Variants in DLC1 observed in about 807,000 individuals in gnomAD.
DLC1 encodes the protein rho GTPase-activating protein 7.
In DLC1, 54 loss-of-function variants were observed where a neutral mutation model predicts 140.3. The observed-to-expected ratio is 0.38, with a 90% CI of 0.31 to 0.48. The LOEUF is 0.48. DLC1 is among the 20% of genes least tolerant of loss of function. The pLI is 0.96. For synonymous variants in DLC1, 986 were observed against 728.1 expected, an observed-to-expected ratio of 1.35 and a Z score of -5.70; for missense variants, 2,536 against 1,907.0, an observed-to-expected ratio of 1.33 and a Z score of -6.14.
At chr8:13,229,306 A>T (rs1331687691) in intron 5 of DLC1, among the ~76,000 whole-genome samples, 2 of 152,192 alleles carry the variant, frequency 1.3e-5, no homozygotes, top group African/African-American at 2.4e-5. Flanking sequence ...CCTTGTAAAC[A>T]CTATGCTAAG....
At chr8:13,142,534 C>A (rs756046611) in intron 5 of DLC1, among the ~76,000 whole-genome samples, 1 of 152,090 alleles carries the variant, frequency 6.6e-6, no homozygotes, top group Non-Finnish European at 1.5e-5. Context: ...CTATATAGTG[C>A]TTACTTAGGC....
intron 5 of DLC1, among the ~76,000 whole-genome samples, chr8:13,179,165 T>A (rs1825907731): frequency 6.6e-6 from 1 of 151,828 alleles, no homozygotes; most frequent in Middle Eastern, 3.2e-3. Context: ...GGAATACAGA[T>A]GCAAAATAGT....
chr8:13,242,439 A>G (rs922470485), intron 5 of DLC1, among the ~76,000 whole-genome samples: 2 of 151,008 alleles, frequency 1.3e-5, no homozygotes, highest in African/African-American at 4.9e-5. Flanking sequence ...TCTGTTGCCC[A>G]GGCTGGAGTG....
intron 5 of DLC1, chr8:13,276,589 A>C (rs963874106): frequency 1.6e-5 from 20 of 1,262,166 alleles, no homozygotes; most frequent in Non-Finnish European, 2.0e-5. Context: ...CGCGGCGGCC[A>C]CATCTGGAAA....
In DLC1 at chr8:13,543,188, C is replaced by T. The variant is rs182581706; in HGVS notation, c.-125-42992G>A. On this transcript the variant is annotated intron_variant, in intron 1 of 1. Coordinates refer to the DLC1 transcript ENST00000631382. ...GAATAAATATTCAATTTAAAATATTCAGTTTAGTCAAATTCACAAAAATAA... is the reference window on the plus strand; with the variant it reads ...GAATAAATATTCAATTTAAAATATTTAGTTTAGTCAAATTCACAAAAATAA... 3.2e-3 allele frequency among the ~76,000 whole-genome samples: 486 copies of T among 152,088 alleles called. 2 individuals are homozygous for T. The highest frequency in any genetic ancestry group is 0.011 in the African/African-American group (464 of 41,496).
intron 4 of DLC1, among the ~76,000 whole-genome samples, chr8:13,377,495 T>G (rs1286834618): frequency 6.6e-6 from 1 of 152,172 alleles, no homozygotes; most frequent in African/African-American, 2.4e-5. Context: ...GTGAGTAACC[T>G]TGAAAATTAA....
intron 5 of DLC1, among the ~76,000 whole-genome samples, chr8:13,264,349 G>A (rs768921845): frequency 1.1e-4 from 16 of 152,028 alleles, no homozygotes; most frequent in African/African-American, 2.2e-4. Context: ...CTGGGATTAC[G>A]GGTGTCAGCT....
chr8:13,554,994 A>G (rs1282882072), intron 1 of DLC1, among the ~76,000 whole-genome samples: 2 of 152,230 alleles, frequency 1.3e-5, no homozygotes, highest in Admixed American at 6.5e-5. Context: ...CTTTTCTTTA[A>G]ACATGTTAAG....
Position 13,434,042 on chromosome 8 carries a change from G to C in DLC1, c.1024-32423C>G, listed in dbSNP as rs530005158. Reference sequence around the variant, plus strand: ...GGCTAATTTTGTTTTGTTTTGTTTTGTTTTTGGTCTTTTTAATTGAGATGG... The same window carrying C: ...GGCTAATTTTGTTTTGTTTTGTTTTCTTTTTGGTCTTTTTAATTGAGATGG... On this transcript the variant is annotated intron_variant, in intron 2 of 17. Transcript: ENST00000276297. Among the ~76,000 whole-genome samples, 24 of 152,156 alleles carry C rather than the reference G, an allele frequency of 1.6e-4. No homozygotes were observed. The South Asian group carries it at 4.8e-3, about 30-fold the overall frequency.
In DLC1 at chr8:13,233,900, G is replaced by A. The variant is rs563121953; in HGVS notation, c.1348+71369C>T. Reference sequence around the variant, plus strand: ...GGGAGATGGATTTTATTTGTTTATCGTCTCTCTGTGTTTCTCTGAGGCTAG... The same window carrying A: ...GGGAGATGGATTTTATTTGTTTATCATCTCTCTGTGTTTCTCTGAGGCTAG... On this transcript the variant is annotated intron_variant, in intron 5 of 17. Coordinates refer to ENST00000276297, the MANE Select transcript of DLC1 (RefSeq NM_182643.3). Among the ~76,000 whole-genome samples the A allele has an allele frequency of 1.4e-3, 215 of 152,218 alleles. 3 individuals are homozygous for A. Among genetic ancestry groups the A allele is most frequent in the Admixed American group, 3.7e-3 (57 of 15,272 alleles).
chr8:13,170,934 A>G (rs1825433300), intron 5 of DLC1, among the ~76,000 whole-genome samples: 1 of 152,196 alleles, frequency 6.6e-6, no homozygotes, highest in African/African-American at 2.4e-5. Flanking sequence ...GCTCAAAAGT[A>G]TTGAAATCCT....
At chr8:13,228,909 G>A (rs1226736519) in intron 5 of DLC1, among the ~76,000 whole-genome samples, 1 of 152,200 alleles carries the variant, frequency 6.6e-6, no homozygotes, top group Non-Finnish European at 1.5e-5. Context: ...ACCTACCAGG[G>A]TGGCTACAAT....
intron 2 of DLC1, among the ~76,000 whole-genome samples, chr8:13,420,906 G>A (rs1485091557): frequency 6.6e-6 from 1 of 152,012 alleles, no homozygotes. Flanking sequence ...AGCCCCATGT[G>A]GCAGAAAGAC....
intron 5 of DLC1, among the ~76,000 whole-genome samples, chr8:13,189,119 T>G (rs77845818): frequency 0.054 from 8,221 of 152,094 alleles, 246 homozygotes; most frequent in Non-Finnish European, 0.071. Context: ...GACATAGTTT[T>G]TCATGATAAA....
chr8:13,409,932 A>G (rs1340418970), intron 2 of DLC1, among the ~76,000 whole-genome samples: 2 of 152,076 alleles, frequency 1.3e-5, no homozygotes, highest in Non-Finnish European at 2.9e-5. Flanking sequence ...CCATGGATGT[A>G]TTCATAGCAC....
chr8:13,091,560 G>C (rs528349748), intron 13 of DLC1, 128 bp from the exon 14 acceptor site: 2 of 710,766 alleles, frequency 2.8e-6, no homozygotes, highest in Non-Finnish European at 4.5e-6. Flanking sequence ...TTGTTAAGTG[G>C]ATTAAGAGTG....
rs545478653 is a variant in DLC1 at position 13,363,869 on chromosome 8, C to T, written c.1314+29684G>A. ...AGCCATCAAGAACAAAAGCTGTATG[C>T]TTGTGTGCCATTTGCTTTACTTGGC... On this transcript the variant is annotated intron_variant, in intron 4 of 17. Coordinates refer to ENST00000276297, the MANE Select transcript of DLC1 (RefSeq NM_182643.3). Among the ~76,000 whole-genome samples the T allele has an allele frequency of 3.7e-4, 57 of 152,246 alleles. No homozygotes were observed. In the South Asian group the frequency reaches 0.011, roughly 30 times the overall value.
intron 1 of DLC1, among the ~76,000 whole-genome samples, chr8:13,586,075 A>C (rs907445678): frequency 3.3e-5 from 5 of 152,176 alleles, no homozygotes; most frequent in Admixed American, 1.3e-4. Context: ...TGGAAGTTTG[A>C]AAATATACTG....
intron 5 of DLC1, among the ~76,000 whole-genome samples, chr8:13,146,239 C>A (rs1454710169): frequency 6.7e-6 from 1 of 149,464 alleles, no homozygotes; most frequent in Non-Finnish European, 1.5e-5. Flanking sequence ...TGTGCCACTG[C>A]ACTGCAGCCT....
Sources: gnomAD v4.1 joint callset for allele counts (sites outside exome capture counted in the v4.1 genomes callset) on GRCh38, gnomAD v4.1.1 for gene constraint, MANE v1.5 for transcripts, NCBI Gene and HGNC (gene_info 2026-07-23, HGNC 2026-07-21) for gene names.